Variants in GRIK1 observed in about 807,000 individuals in gnomAD.
GRIK1 encodes glutamate receptor ionotropic, kainate 1.
Under a neutral mutation model 105.7 loss-of-function variants are expected in GRIK1, and 69 were observed. The ratio of observed to expected loss-of-function variants is 0.65; its 90% CI spans 0.54 to 0.80. The LOEUF is 0.80. Ranked by LOEUF, GRIK1 falls within the 30% of genes least tolerant of loss-of-function variation. The probability of loss-of-function intolerance (pLI) is 0.00; values close to 1 mark genes in which losing one functional copy is unlikely to be tolerated. For synonymous variants in GRIK1, 438 were observed against 431.3 expected (o/e 1.02, Z -0.19); for missense variants, 1,109 against 1,167.3 (o/e 0.95, Z 0.73).
At chr21:29,932,312 A>C (rs1269461014) in intron 1 of GRIK1, among the ~76,000 whole-genome samples, 1 of 152,138 alleles carries the variant, frequency 6.6e-6, no homozygotes, top group Non-Finnish European at 1.5e-5. Context: ...TAGTTTACTT[A>C]TTATTTAGTC....
chr21:29,842,569 T>C (rs954993317), intron 1 of GRIK1, among the ~76,000 whole-genome samples: 1 of 152,206 alleles, frequency 6.6e-6, no homozygotes, highest in Non-Finnish European at 1.5e-5. Flanking sequence ...AGTATGTTCT[T>C]GGTACTTAGA....
At chr21:29,583,758 C>T (rs2091071794) in intron 12 of GRIK1, among the ~76,000 whole-genome samples, 1 of 152,146 alleles carries the variant, frequency 6.6e-6, no homozygotes, top group African/African-American at 2.4e-5. Context: ...TAAACAGTGA[C>T]ATGATGCTGT....
intron 16 of GRIK1, among the ~76,000 whole-genome samples, chr21:29,547,058 A>G (rs575650212): frequency 2.0e-5 from 3 of 152,292 alleles, no homozygotes; most frequent in African/African-American, 7.2e-5. Context: ...TGAATTGTGA[A>G]TGTGTATTCA....
intron 1 of GRIK1, among the ~76,000 whole-genome samples, chr21:29,712,763 T>C (rs932812017): frequency 2.0e-5 from 3 of 152,198 alleles, no homozygotes; most frequent in Non-Finnish European, 2.9e-5. Flanking sequence ...AGAAACTATC[T>C]TCCAATTACA....
chr21:29,584,423 G>A (rs2091087891), intron 12 of GRIK1, among the ~76,000 whole-genome samples: 1 of 152,082 alleles, frequency 6.6e-6, no homozygotes, highest in Non-Finnish European at 1.5e-5. Flanking sequence ...AATTGTTTAT[G>A]ATGGACATAA....
rs117309036 is a variant in GRIK1 at position 29,604,129 on chromosome 21, G to A, written c.1099-5192C>T. 1.6e-3 allele frequency among the ~76,000 whole-genome samples: 248 copies of A among 152,240 alleles called. 2 individuals carry two copies. The highest frequency in any genetic ancestry group is 3.0e-3 in the Non-Finnish European group (204 of 68,002). On this transcript the variant is annotated intron_variant, in intron 7 of 17. Transcript: ENST00000327783. ...TTCCCTAAGTGTGACTATTGTGTCCGTTTGTTTGGATTCTCTTGCATTGAT... is the reference window on the plus strand; with the variant it reads ...TTCCCTAAGTGTGACTATTGTGTCCATTTGTTTGGATTCTCTTGCATTGAT...
chr21:29,591,300 A>C, intron 9 of GRIK1, 75 bp from the exon 10 acceptor site: 1 of 867,594 alleles, frequency 1.2e-6, no homozygotes, highest in Non-Finnish European at 2.0e-6. Flanking sequence ...CCCCTTCTCT[A>C]CCAGGAATGG....
At chr21:29,537,453 T>C in intron 17 of GRIK1, 68 bp from the exon 18 acceptor site, 1 of 1,262,004 alleles carries the variant, frequency 7.9e-7, no homozygotes, top group Non-Finnish European at 1.1e-6. Flanking sequence ...ACCTGCCTCT[T>C]GCCTAGGTAT....
chr21:29,598,344 T>G (rs755421765), intron 8 of GRIK1, among the ~76,000 whole-genome samples: 2 of 152,206 alleles, frequency 1.3e-5, no homozygotes, highest in Non-Finnish European at 2.9e-5. Context: ...AAATTAAGAA[T>G]GCAAAGTTAA....
At chr21:29,927,500 A>AAT (rs955552235) in intron 1 of GRIK1, among the ~76,000 whole-genome samples, 12 of 150,134 alleles carry the variant, frequency 8.0e-5, no homozygotes, top group East Asian at 1.9e-4. Flanking sequence ...CAATGCTTAT[A>AAT]ATATATATAT....
chr21:29,681,402 C>A (rs772702753), intron 3 of GRIK1, among the ~76,000 whole-genome samples: 3 of 152,166 alleles, frequency 2.0e-5, no homozygotes, highest in Non-Finnish European at 4.4e-5. Flanking sequence ...TCTCCCCTCC[C>A]CTCTTACTCT....
chr21:29,812,566 A>G (rs1048866805), intron 1 of GRIK1, among the ~76,000 whole-genome samples: 10 of 152,164 alleles, frequency 6.6e-5, no homozygotes, highest in African/African-American at 2.4e-4. Flanking sequence ...TGAGAATGCA[A>G]GTGTGCCCAG....
chr21:29,578,012 C>T (rs1199304543), intron 13 of GRIK1, among the ~76,000 whole-genome samples: 2 of 152,156 alleles, frequency 1.3e-5, no homozygotes, highest in Non-Finnish European at 2.9e-5. Flanking sequence ...GGTTTATGAG[C>T]TAAGTTTACT....
At chr21:29,877,930 A>C (rs1367631578) in intron 1 of GRIK1, among the ~76,000 whole-genome samples, 4 of 152,192 alleles carry the variant, frequency 2.6e-5, no homozygotes, top group Non-Finnish European at 5.9e-5. Context: ...AGACCAATGA[A>C]AAAACACGAT....
chr21:29,853,959 G>A (rs979902333), intron 1 of GRIK1, among the ~76,000 whole-genome samples: 1 of 152,172 alleles, frequency 6.6e-6, no homozygotes, highest in Non-Finnish European at 1.5e-5. Context: ...GATGGCCAGG[G>A]TTGTCCTCAC....
intron 1 of GRIK1, among the ~76,000 whole-genome samples, chr21:29,710,910 AGCAGTTTTATCT>A (rs1386574271): frequency 6.8e-6 from 1 of 147,260 alleles, no homozygotes; most frequent in Non-Finnish European, 1.5e-5. Flanking sequence ...CTTTCCTTCC[AGCAGTTTTATCT>A]GCTTTAAAAT....
chr21:29,745,959 C>T (rs2145622105), intron 1 of GRIK1, among the ~76,000 whole-genome samples: 1 of 152,134 alleles, frequency 6.6e-6, no homozygotes, highest in South Asian at 2.1e-4. Flanking sequence ...AAAAAATTAG[C>T]CAGGTGTGGT....
intron 1 of GRIK1, among the ~76,000 whole-genome samples, chr21:29,768,564 C>T (rs1243259659): frequency 1.3e-5 from 2 of 152,134 alleles, no homozygotes; most frequent in African/African-American, 4.8e-5. Flanking sequence ...ATGATGTATC[C>T]GTTTTCACTC....
At chr21:29,557,203 C>T (rs2090279540) in intron 15 of GRIK1, among the ~76,000 whole-genome samples, 1 of 151,858 alleles carries the variant, frequency 6.6e-6, no homozygotes, top group Non-Finnish European at 1.5e-5. Flanking sequence ...ATTTCTTCTA[C>T]TCAGTAGAAA....
Sources: allele counts gnomAD v4.1 joint callset (sites outside exome capture counted in the v4.1 genomes callset), GRCh38; gene constraint gnomAD v4.1.1; transcripts MANE v1.5; gene names NCBI Gene and HGNC (gene_info 2026-07-23, HGNC 2026-07-21).